The following SEC23A variants were observed in gnomAD, a reference collection of about 807,000 sequenced individuals.
The protein encoded by SEC23A is SEC23 homolog A, COPII component, also known as protein transport protein Sec23A.
SEC23A carries 56 observed loss-of-function variants against 103.7 expected under a neutral mutation model. The ratio of observed to expected loss-of-function variants is 0.54; its 90% CI spans 0.44 to 0.67. The LOEUF (loss-of-function observed/expected upper bound fraction) is 0.67, where lower values mean the gene tolerates loss of function less well. SEC23A is among the 30% of genes least tolerant of loss of function. The probability of loss-of-function intolerance (pLI) is 0.00; values close to 1 mark genes in which losing one functional copy is unlikely to be tolerated. For synonymous variants in SEC23A, 281 were observed against 293.0 expected (o/e 0.96, Z 0.42); for missense variants, 784 against 936.4 (o/e 0.84, Z 2.12).
rs147667589 is a variant in SEC23A at position 39,077,187 on chromosome 14, C to T, written c.829-1094G>A. The stretch of plus-strand genomic sequence containing the variant: ...AGGTTGCAGTGAGCCAAGATTGTAC[C>T]ACTGCACCTTAGCCTGGGCAATGGA... On this transcript the variant is annotated intron_variant, in intron 7 of 19. Transcript: ENST00000307712. Among the ~76,000 whole-genome samples the T allele has an allele frequency of 2.8e-4, 37 of 133,366 alleles. No individual in the cohort carries two copies. In the East Asian group the frequency reaches 7.8e-3, roughly 28 times the overall value. 87.5% of individuals were successfully genotyped at this position (133,366 alleles called of 152,430 possible).
intron 14 of SEC23A, among the ~76,000 whole-genome samples, chr14:39,051,399 C>T (rs894963359): frequency 1.3e-5 from 2 of 152,180 alleles, no homozygotes; most frequent in Admixed American, 6.5e-5. Context: ...GTTGTAAATG[C>T]TGCAGAATGT....
chr14:39,042,676 A>T, intron 17 of SEC23A, 110 bp downstream of exon 17: 2 of 719,120 alleles, frequency 2.8e-6, no homozygotes, highest in Non-Finnish European at 4.9e-6. Flanking sequence ...ATAAAAATGG[A>T]AATCAAAGTT....
chr14:39,059,300 A>AAAAAAAAC (rs750336207), intron 13 of SEC23A, among the ~76,000 whole-genome samples: 18,237 of 100,520 alleles, frequency 0.18, 1,619 homozygotes, highest in Middle Eastern at 0.29. Flanking sequence ...AAAAAAAAAA[A>AAAAAAAAC]AAAAAAAAAA....
intron 1 of SEC23A, among the ~76,000 whole-genome samples, chr14:39,100,429 T>TG (rs1307598274): frequency 1.3e-5 from 2 of 151,816 alleles, no homozygotes; most frequent in Admixed American, 1.3e-4. Flanking sequence ...TTTTTTTTTT[T>TG]TTGAGACGGA....
At chr14:39,053,260 T>C (rs964435253) in intron 14 of SEC23A, among the ~76,000 whole-genome samples, 6 of 152,174 alleles carry the variant, frequency 3.9e-5, no homozygotes, top group Admixed American at 6.6e-5. Context: ...AGCTGAAAAA[T>C]AACAGATTCT....
intron 6 of SEC23A, among the ~76,000 whole-genome samples, chr14:39,086,422 A>G (rs1239783099): frequency 6.6e-6 from 1 of 152,064 alleles, no homozygotes; most frequent in East Asian, 1.9e-4. Context: ...GAGGATCATA[A>G]AGTCAGGAGA....
rs747421357 is a variant in SEC23A at position 39,075,925 on chromosome 14, T to C, written c.987+10A>G. On this transcript the variant is annotated intron_variant, in intron 8 of 19. Transcript: ENST00000307712. The stretch of plus-strand genomic sequence containing the variant: ...CTAATAAGGCAAAAATATTTAACAG[T>C]CAAAATTACCTTAGTTCCCTTTTTA... 1.9e-6 allele frequency: 3 copies of C among 1,613,074 alleles called. No homozygotes were observed. Among genetic ancestry groups the C allele is most frequent in the Admixed American group, 3.3e-5 (2 of 60,002 alleles).
chr14:39,077,213 G>T (rs1467305106), intron 7 of SEC23A, among the ~76,000 whole-genome samples: 1 of 105,556 alleles, frequency 9.5e-6, no homozygotes, highest in Non-Finnish European at 1.7e-5. Context: ...GGGCAATGGA[G>T]CAAGACTCCA....
In SEC23A at chr14:39,045,228, G is replaced by C; in HGVS notation, c.1834C>G (p.Leu612Val). Residue 612 changes from leucine to valine, a missense_variant, in exon 16 of 20, where the codon CTG becomes GTG. Transcript: ENST00000307712. ...YYRHHFMRQD[L>V]TQSLIMIQPI... is the part of the protein sequence containing the mutation. ...TGAATCATAATTAGAGACTGGGTCA[G>C]ATCTTGACGCATAAAATGGTGACGA... 6.2e-7 allele frequency: 1 copy of C among 1,613,468 alleles called. No homozygotes were observed. The highest frequency in any genetic ancestry group is 1.1e-5 in the South Asian group (1 of 91,074).
intron 13 of SEC23A, 89 bp from the exon 14 acceptor site, chr14:39,055,385 G>T: frequency 7.6e-7 from 1 of 1,322,686 alleles, no homozygotes; most frequent in South Asian, 1.3e-5. Flanking sequence ...AAATTTAAAA[G>T]ATAAAAGATA....
In SEC23A at chr14:39,039,103, AG is replaced by A; in HGVS notation, c.2143-8del. On this transcript the variant is annotated splice_polypyrimidine_tract_variant and splice_region_variant and intron_variant, in intron 18 of 19. Transcript: ENST00000307712. ...TTGAAAGGAGGAAACGGGCCTTAAA[AG>A]CAAAGAAGAAATAACATTATCCATC... The A allele has an allele frequency of 6.2e-7, 1 of 1,611,736 alleles. No homozygotes were observed. Among genetic ancestry groups the A allele is most frequent in the Non-Finnish European group, 8.5e-7 (1 of 1,177,962 alleles).
chr14:39,101,170 G>A (rs1555331845), intron 1 of SEC23A, among the ~76,000 whole-genome samples: 1 of 151,944 alleles, frequency 6.6e-6, no homozygotes, highest in African/African-American at 2.4e-5. Context: ...TTTAAAAAGT[G>A]ATACAAAACA....
chr14:39,085,890 G>T lies in SEC23A; in HGVS notation c.700C>A (p.Gln234Lys), dbSNP rs752855304. The change falls in exon 7 of 20, where the codon CAG becomes AAG. Residue 234 changes from glutamine (Q) to lysine (K), a missense_variant. Gln to Lys is a moderately conservative substitution (Grantham distance 53). Transcript: ENST00000307712. ...TCTGTGAGATTCATGTCTATTTTCTGTACTGGTTGTAAGAATCTAAGAAAC... is the reference window on the plus strand; with the variant it reads ...TCTGTGAGATTCATGTCTATTTTCTTTACTGGTTGTAAGAATCTAAGAAAC... ...PPSNRFLQPVQKIDMNLTDLL... is the reference protein window; with the variant it reads ...PPSNRFLQPVKKIDMNLTDLL... The T allele has an allele frequency of 1.2e-6, 2 of 1,613,054 alleles. No homozygotes were observed. The highest frequency in any genetic ancestry group is 1.7e-5 in the Admixed American group (1 of 59,978).
rs965522933 is a variant in SEC23A, at chr14:39,103,164, G to T, written c.-154C>A. On this transcript the variant is annotated 5_prime_UTR_variant, in exon 1 of 20. Coordinates refer to ENST00000307712, the MANE Select transcript of SEC23A (RefSeq NM_006364.4). ...GCAGTCCGTGGCACCGCAATCAGGG[G>T]TGGCGCCACCCCGCCCCGGGCCTCA... 1.3e-5 allele frequency: 2 copies of T among 151,986 alleles called. No individual in the cohort carries two copies. The highest frequency in any genetic ancestry group is 2.9e-5 in the Non-Finnish European group (2 of 68,038). The allele number at this position is 151,986 out of a possible 1,614,324, so 9.4% of individuals were successfully genotyped here.
Position 39,065,997 on chromosome 14 carries a change from C to CAAAAAAAAAAAAA in SEC23A, c.1228-1017_1228-1005dup, listed in dbSNP as rs59260008. ...GGGCAATAAGAGCGAAACTCCATCT[C>CAAAAAAAAAAAAA]AAAAAAAAAAAAAAAAAAAAAAAAA... On this transcript the variant is annotated intron_variant, in intron 10 of 19. Transcript: ENST00000307712. 1.1e-3 allele frequency among the ~76,000 whole-genome samples: 91 copies of CAAAAAAAAAAAAA among 80,486 alleles called. 1 individual carries two copies. Among genetic ancestry groups the CAAAAAAAAAAAAA allele is most frequent in the Middle Eastern group, 0.011 (2 of 174 alleles). 52.8% of individuals were successfully genotyped at this position (80,486 alleles called of 152,430 possible). A position where few individuals can be genotyped will look rare whatever the true frequency, so the allele number is the denominator to read the frequency against.
intron 14 of SEC23A, among the ~76,000 whole-genome samples, chr14:39,049,489 A>AT (rs1885967862): frequency 1.4e-5 from 2 of 141,490 alleles, no homozygotes; most frequent in Non-Finnish European, 3.2e-5. Flanking sequence ...AAAAAAAAAA[A>AT]ATTTGAGCCA....
intron 19 of SEC23A, among the ~76,000 whole-genome samples, chr14:39,035,197 A>G (rs1885419615): frequency 6.6e-6 from 1 of 152,174 alleles, no homozygotes. Flanking sequence ...AGTTAATTAA[A>G]TGAGAGTACA....
At chr14:39,064,379 C>G (rs1886585441) in intron 11 of SEC23A, among the ~76,000 whole-genome samples, 1 of 152,184 alleles carries the variant, frequency 6.6e-6, no homozygotes, top group African/African-American at 2.4e-5. Context: ...AATTCCAAAT[C>G]TGGCTAATTT....
chr14:39,037,960 A>T (rs1224080431), intron 19 of SEC23A, among the ~76,000 whole-genome samples: 2 of 152,164 alleles, frequency 1.3e-5, no homozygotes, highest in Non-Finnish European at 2.9e-5. Context: ...GCTTCCATTT[A>T]ATCTTAAGAT....
Sources: allele counts gnomAD v4.1 joint callset (sites outside exome capture counted in the v4.1 genomes callset), GRCh38; gene constraint gnomAD v4.1.1; transcripts MANE v1.5; gene names NCBI Gene and HGNC (gene_info 2026-07-23, HGNC 2026-07-21).